CEP350: variants seen among roughly 807,000 people sequenced by gnomAD.
CEP350 encodes centrosomal protein 350, also known as centrosome-associated protein 350.
A neutral mutation model predicts 331.8 loss-of-function variants in CEP350; 126 were observed. That is an observed-to-expected ratio of 0.38 (90% CI 0.33 to 0.44). CEP350 has a LOEUF of 0.44. CEP350 is among the 20% of genes least tolerant of loss of function. CEP350 has a pLI of 1.00. For missense variants in CEP350, 3,406 were observed against 3,634.6 expected (o/e 0.94, Z 1.62); for synonymous variants, 1,200 against 1,259.5 (o/e 0.95, Z 1.00).
chr1:180,096,727 GAAACCTTTGT>G (rs1337088074), intron 36 of CEP350, among the ~76,000 whole-genome samples: 16 of 152,164 alleles, frequency 1.1e-4, no homozygotes, highest in Non-Finnish European at 2.2e-4. Context: ...TGTTATCTAA[GAAACCTTTGT>G]AAACCTTTGT....
chr1:179,998,298 A>ATTAATT (rs1221125620), intron 6 of CEP350, among the ~76,000 whole-genome samples: 3 of 91,074 alleles, frequency 3.3e-5, no homozygotes, highest in Admixed American at 9.7e-5. Context: ...TGTTTCTTCT[A>ATTAATT]TTTTCTTTTT....
rs1031264095 is a variant in CEP350, at chr1:180,067,426, C to T, written c.5567+2154C>T. Among the ~76,000 whole-genome samples the T allele has an allele frequency of 3.3e-5, 5 of 152,142 alleles. No homozygotes were observed. In the South Asian group the frequency reaches 6.2e-4, roughly 19 times the overall value. ...GGATGAGGCCGGGCCTGGTGGCTCA[C>T]GCCTGTAATCCCAGCATTTTGGGAG... On this transcript the variant is annotated intron_variant, in intron 27 of 37. Transcript: ENST00000367607.
At chr1:180,025,616 G>A (rs1354870337) in intron 14 of CEP350, among the ~76,000 whole-genome samples, 3 of 152,174 alleles carry the variant, frequency 2.0e-5, no homozygotes, top group Non-Finnish European at 2.9e-5. Context: ...CTGGAAGCTG[G>A]AAGCTGTCAT....
At chr1:180,010,863 G>C (rs940717606) in intron 8 of CEP350, among the ~76,000 whole-genome samples, 1 of 152,052 alleles carries the variant, frequency 6.6e-6, no homozygotes, top group African/African-American at 2.4e-5. Context: ...TCCTGCCTCA[G>C]CCTCTCAAAG....
rs147444400 is a variant in CEP350, at chr1:180,020,462, G to A, written c.2688G>A (p.Met896Ile). ...TTTTCTCTGCCAGAATTCAGAAGAT[G>A]CTGGGAAGCTGTGTATCTCATGCAA... Reference protein sequence around the residue: ...EDVFSARIQKMLGSCVSHATF... With the variant: ...EDVFSARIQKILGSCVSHATF... The change falls in exon 12 of 38, where the codon ATG becomes ATA. Residue 896 changes from methionine to isoleucine, a missense_variant. By Grantham distance (10) the Met-to-Ile change is conservative. This residue lies in a region of CEP350 where 1,857 missense variants were observed against 1,909.2 expected (regional missense o/e 0.97). Coordinates refer to ENST00000367607, the MANE Select transcript of CEP350 (RefSeq NM_014810.5). The A allele has an allele frequency of 6.2e-7, 1 of 1,613,860 alleles. No homozygotes were observed. Among genetic ancestry groups the A allele is most frequent in the Non-Finnish European group, 8.5e-7 (1 of 1,179,902 alleles).
intron 37 of CEP350, among the ~76,000 whole-genome samples, chr1:180,105,526 G>C (rs895215444): frequency 2.6e-5 from 4 of 152,028 alleles, no homozygotes; most frequent in African/African-American, 9.7e-5. Flanking sequence ...GTTAGCTCTG[G>C]GTTTGTCATA....
intron 1 of CEP350, among the ~76,000 whole-genome samples, chr1:179,965,728 C>T (rs889017929): frequency 2.8e-5 from 4 of 144,698 alleles, no homozygotes; most frequent in African/African-American, 1.0e-4. Context: ...TCAGGCGATA[C>T]TCCTGTCTCA....
rs752601706 is a variant in CEP350, at chr1:180,005,747, ATCT to A, written c.1133-703_1133-701del. ...ATGTCTCTGACCGTAGTTCCTACTA[ATCT>A]TCTCTTTTTTCAGTCCACTCACACT... On this transcript the variant is annotated intron_variant, in intron 7 of 37. Transcript: ENST00000367607. Among the ~76,000 whole-genome samples, 13 of 152,216 alleles carry A rather than the reference ATCT, an allele frequency of 8.5e-5. No individual in the cohort carries two copies. In the East Asian group the frequency reaches 1.9e-3, roughly 23 times the overall value.
intron 27 of CEP350, among the ~76,000 whole-genome samples, chr1:180,067,994 A>G (rs541531125): frequency 6.6e-6 from 1 of 152,334 alleles, no homozygotes; most frequent in South Asian, 2.1e-4. Flanking sequence ...AACCTCTGCT[A>G]CTTCATGACT....
intron 13 of CEP350, among the ~76,000 whole-genome samples, chr1:180,024,071 T>G (rs1655508872): frequency 6.6e-6 from 1 of 151,948 alleles, no homozygotes; most frequent in South Asian, 2.1e-4. Flanking sequence ...AGGTAGAACA[T>G]ATTAAGTTAT....
At chr1:179,972,983 T>G (rs575708735) in intron 1 of CEP350, among the ~76,000 whole-genome samples, 1 of 151,894 alleles carries the variant, frequency 6.6e-6, no homozygotes, top group Non-Finnish European at 1.5e-5. Flanking sequence ...TTCTCCTGCC[T>G]CAGCCTCCCG....
intron 16 of CEP350, among the ~76,000 whole-genome samples, chr1:180,034,765 C>T (rs59508309): frequency 0.015 from 2,274 of 152,236 alleles, 54 homozygotes; most frequent in African/African-American, 0.052. Context: ...CACCAACTCA[C>T]CCCGTTCCCC....
At chr1:180,022,027 T>A (rs537070974) in intron 12 of CEP350, among the ~76,000 whole-genome samples, 1 of 152,300 alleles carries the variant, frequency 6.6e-6, no homozygotes, top group South Asian at 2.1e-4. Flanking sequence ...AAATTTCCCC[T>A]CTATATAGTG....
chr1:179,972,870 CTT>C (rs770988896), intron 1 of CEP350, among the ~76,000 whole-genome samples: 25 of 136,854 alleles, frequency 1.8e-4, no homozygotes, highest in East Asian at 2.2e-4. Flanking sequence ...GTGTATTTAA[CTT>C]TTTTTTTTTT....
At chr1:179,983,427 G>T (rs1027989983) in intron 1 of CEP350, among the ~76,000 whole-genome samples, 1 of 151,948 alleles carries the variant, frequency 6.6e-6, no homozygotes, top group Non-Finnish European at 1.5e-5. Flanking sequence ...TAGAGACAGG[G>T]TTTCGCCATG....
chr1:180,000,945 C>A (rs1653826296), intron 6 of CEP350: 1 of 152,084 alleles, frequency 6.6e-6, no homozygotes, highest in Non-Finnish European at 1.5e-5. Flanking sequence ...TGTTCCTTGC[C>A]ACAAATGTCG....
intron 14 of CEP350, among the ~76,000 whole-genome samples, chr1:180,029,544 T>C (rs78962759): frequency 0.14 from 21,408 of 152,158 alleles, 1,592 homozygotes; most frequent in African/African-American, 0.17. Context: ...TGTTGTACAA[T>C]CATCCCCACC....
chr1:180,037,665 T>G (rs1325570296), intron 17 of CEP350, among the ~76,000 whole-genome samples: 1 of 152,082 alleles, frequency 6.6e-6, no homozygotes, highest in Non-Finnish European at 1.5e-5. Context: ...TTTATTTATT[T>G]TTTTGAGTTA....
intron 1 of CEP350, among the ~76,000 whole-genome samples, chr1:179,959,034 C>T (rs1470806652): frequency 6.6e-6 from 1 of 151,536 alleles, no homozygotes; most frequent in Non-Finnish European, 1.5e-5. Flanking sequence ...AAACTTTTTT[C>T]TAAAAAAAGG....
Sources: allele counts gnomAD v4.1 joint callset (sites outside exome capture counted in the v4.1 genomes callset), GRCh38; gene constraint gnomAD v4.1.1; regional missense constraint gnomAD v4.1.1; transcripts MANE v1.5; gene names NCBI Gene and HGNC (gene_info 2026-07-23, HGNC 2026-07-21).